Variants in CFAP97D2 observed in about 807,000 individuals in gnomAD.
CFAP97D2 encodes the protein uncharacterized protein CFAP97D2.
intron 3 of CFAP97D2, among the ~76,000 whole-genome samples, chr13:114,202,930 A>G (rs965042714): frequency 2.6e-5 from 4 of 152,070 alleles, no homozygotes; most frequent in African/African-American, 9.7e-5. Flanking sequence ...CTGGGGTGTC[A>G]CTCAGAGAGA....
chr13:114,196,339 T>A (rs758810799), intron 1 of CFAP97D2, 57 bp from the exon 2 acceptor site: 15 of 399,312 alleles, frequency 3.8e-5, no homozygotes, highest in Non-Finnish European at 6.6e-5. Context: ...CAGCACAATC[T>A]GAGCTCACTC....
At chr13:114,198,604 G>A (rs1274315493) in intron 2 of CFAP97D2, among the ~76,000 whole-genome samples, 2 of 152,244 alleles carry the variant, frequency 1.3e-5, no homozygotes, top group African/African-American at 4.8e-5. Flanking sequence ...TCCAATCCAT[G>A]GGCAAAGCAG....
At chr13:114,183,964 A>G (rs2138749127) in intron 1 of CFAP97D2, among the ~76,000 whole-genome samples, 1 of 152,272 alleles carries the variant, frequency 6.6e-6, no homozygotes, top group East Asian at 1.9e-4. Flanking sequence ...CCCTGACAAC[A>G]TAGCGAGACA....
intron 4 of CFAP97D2, among the ~76,000 whole-genome samples, chr13:114,216,354 A>G (rs1356680707): frequency 6.6e-6 from 1 of 152,024 alleles, no homozygotes; most frequent in Non-Finnish European, 1.5e-5. Flanking sequence ...GGTTTGTTAC[A>G]TATCTATATA....
chr13:114,185,772 T>A lies in CFAP97D2; in HGVS notation c.90+6352T>A, dbSNP rs924011538. On this transcript the variant is annotated intron_variant, in intron 1 of 4. Coordinates refer to ENST00000646158, the Ensembl canonical transcript of CFAP97D2. The surrounding 1 kb of genome is among the most constrained non-coding windows in gnomAD (Gnocchi z 5.2). ...CTTGCCACCTCAGCCCCCTCCAGAT[T>A]TGGGCACTGACAAGCACAGGAGGGA... Among the ~76,000 whole-genome samples, 2 of 152,278 alleles carry A rather than the reference T, an allele frequency of 1.3e-5. No individual in the cohort carries two copies. The highest frequency in any genetic ancestry group is 1.9e-4 in the East Asian group (1 of 5,188).
intron 1 of CFAP97D2, among the ~76,000 whole-genome samples, chr13:114,181,380 T>C (rs1229742037): frequency 6.6e-6 from 1 of 152,010 alleles, no homozygotes; most frequent in African/African-American, 2.4e-5. Context: ...GGGTAGGACA[T>C]GAAACCTGGC....
At chr13:114,193,700 T>G (rs1221427451) in intron 1 of CFAP97D2, among the ~76,000 whole-genome samples, 19 of 152,210 alleles carry the variant, frequency 1.2e-4, no homozygotes, top group Non-Finnish European at 1.3e-4. Context: ...CTTAGACTGT[T>G]TGGGCTGCTA....
intron 1 of CFAP97D2, among the ~76,000 whole-genome samples, chr13:114,196,032 A>C (rs2080885292): frequency 6.7e-6 from 1 of 149,954 alleles, no homozygotes; most frequent in Non-Finnish European, 1.5e-5. Context: ...GCAGTGAGCC[A>C]AGATTGCGCC....
At chr13:114,208,143 G>C (rs968416527) in intron 3 of CFAP97D2, among the ~76,000 whole-genome samples, 1 of 152,058 alleles carries the variant, frequency 6.6e-6, no homozygotes, top group Non-Finnish European at 1.5e-5. Context: ...TCTGCTCCTT[G>C]GTTTCCCCAT....
intron 1 of CFAP97D2, among the ~76,000 whole-genome samples, chr13:114,181,650 G>C (rs949463275): frequency 6.6e-6 from 1 of 152,202 alleles, no homozygotes; most frequent in Non-Finnish European, 1.5e-5. Flanking sequence ...AGAGTGGAGA[G>C]AATCAGCTCT....
chr13:114,210,292 C>T (rs2080961134), intron 3 of CFAP97D2, among the ~76,000 whole-genome samples: 1 of 152,150 alleles, frequency 6.6e-6, no homozygotes, highest in South Asian at 2.1e-4. Context: ...AAAATTAATT[C>T]AGAATTTTCA....
intron 4 of CFAP97D2, chr13:114,212,364 G>A (rs1163236914): frequency 6.8e-6 from 2 of 293,730 alleles, no homozygotes; most frequent in East Asian, 5.5e-5. Context: ...ATTGTAGATT[G>A]TGAGAGAAAG....
rs749788884 is a variant in CFAP97D2 at position 114,222,231 on chromosome 13, A to AT, written c.481-262dup. Among the ~76,000 whole-genome samples, 6 of 152,248 alleles carry AT rather than the reference A, an allele frequency of 3.9e-5. No individual in the cohort carries two copies. Among genetic ancestry groups the AT allele is most frequent in the Admixed American group, 2.6e-4 (4 of 15,290 alleles). On this transcript the variant is annotated intron_variant, in intron 4 of 4. Transcript: ENST00000646158. The surrounding 1 kb of genome is among the most constrained non-coding windows in gnomAD (Gnocchi z 4.4). ...TGGGGAGTGATCCCAAAGGAGTTTG[A>AT]TTTTTGGAGGGGGAGGTGATGAAGA...
chr13:114,200,477 C>T (rs1196086665), intron 3 of CFAP97D2, 34 bp downstream of exon 3: 1 of 398,456 alleles, frequency 2.5e-6, no homozygotes, highest in East Asian at 3.6e-5. Flanking sequence ...CCACCCGGCT[C>T]AGCACCAAAC....
chr13:114,202,652 G>A (rs895665192), intron 3 of CFAP97D2, among the ~76,000 whole-genome samples: 2 of 152,212 alleles, frequency 1.3e-5, no homozygotes, highest in East Asian at 3.8e-4. Flanking sequence ...AAGGGGCAGG[G>A]CCTTACTTTT....
exon 2 of CFAP97D2, chr13:114,196,404 C>T (rs2080887511): frequency 5.0e-6 from 2 of 399,570 alleles, no homozygotes; most frequent in South Asian, 1.3e-4. Context: ...AGGTCCAGAG[C>T]GCCCAGCCGC....
chr13:114,195,047 C>T (rs1402346329), intron 1 of CFAP97D2, among the ~76,000 whole-genome samples: 2 of 152,182 alleles, frequency 1.3e-5, no homozygotes, highest in African/African-American at 4.8e-5. Flanking sequence ...TTTCCCTTCA[C>T]CCCCGCCCCA....
chr13:114,186,296 G>A lies in CFAP97D2; in HGVS notation c.90+6876G>A, dbSNP rs1049257664. Reference sequence around the variant, plus strand: ...TCAGGGAGGAGCTACCCTCTCTACTGAGAGCTGAACACTTGTCAGGATACC... The same window carrying A: ...TCAGGGAGGAGCTACCCTCTCTACTAAGAGCTGAACACTTGTCAGGATACC... On this transcript the variant is annotated intron_variant, in intron 1 of 4. Coordinates refer to ENST00000646158, the Ensembl canonical transcript of CFAP97D2. This position sits in a 1 kb window ranked among gnomAD's most constrained non-coding sequence, Gnocchi z 4.3. Among the ~76,000 whole-genome samples, 3 of 152,224 alleles carry A rather than the reference G, an allele frequency of 2.0e-5. No homozygotes were observed. Among genetic ancestry groups the A allele is most frequent in the African/African-American group, 7.2e-5 (3 of 41,452 alleles).
In CFAP97D2 at chr13:114,186,066, C is replaced by T. The variant is rs117335047; in HGVS notation, c.90+6646C>T. On this transcript the variant is annotated intron_variant, in intron 1 of 4. Transcript: ENST00000646158. The surrounding 1 kb of genome is among the most constrained non-coding windows in gnomAD (Gnocchi z 4.3). ...CCAATCAGCATGCACTTCCTCCACA[C>T]TGAGGCCCATAAAAACCCTGGACTC... Among the ~76,000 whole-genome samples, 10 of 152,214 alleles carry T rather than the reference C, an allele frequency of 6.6e-5. No individual in the cohort carries two copies. The highest frequency in any genetic ancestry group is 2.4e-4 in the African/African-American group (10 of 41,448).
Sources: gnomAD v4.1 joint callset for allele counts (sites outside exome capture counted in the v4.1 genomes callset) on GRCh38, gnomAD v4.1.1 for gene constraint, Gnocchi (gnomAD v3.1) non-coding constraint, MANE v1.5 for transcripts, NCBI Gene and HGNC (gene_info 2026-07-23, HGNC 2026-07-21) for gene names.